Variants in NEBL observed in about 807,000 individuals in gnomAD.
The protein encoded by NEBL is LIM and SH3 protein 2.
In NEBL, 122 loss-of-function variants were observed where a neutral mutation model predicts 140.2. That is an observed-to-expected ratio of 0.87 (90% confidence interval 0.75 to 1.01). The LOEUF (loss-of-function observed/expected upper bound fraction) is 1.01, where lower values mean the gene tolerates loss of function less well. NEBL is among the 50% of genes least tolerant of loss of function. The pLI, the probability that NEBL is intolerant of heterozygous loss-of-function variation, is 0.00. For synonymous variants in NEBL, 436 were observed against 398.9 expected (o/e 1.09, Z -1.11); for missense variants, 1,365 against 1,231.3 (o/e 1.11, Z -1.62).
At chr10:20,913,882 G>T (rs149952543) in intron 4 of NEBL, among the ~76,000 whole-genome samples, 1 of 152,130 alleles carries the variant, frequency 6.6e-6, no homozygotes, top group African/African-American at 2.4e-5. Context: ...AAAAACTGGA[G>T]TTTTCTTTTT....
intron 3 of NEBL, among the ~76,000 whole-genome samples, chr10:21,019,622 T>C (rs1009209681): frequency 6.6e-6 from 1 of 152,208 alleles, no homozygotes; most frequent in African/African-American, 2.4e-5. Flanking sequence ...GAGCCAATTG[T>C]GGTGTTCTCA....
intron 2 of NEBL, among the ~76,000 whole-genome samples, chr10:21,171,064 G>A (rs895003684): frequency 1.3e-5 from 2 of 152,132 alleles, no homozygotes; most frequent in African/African-American, 2.4e-5. Flanking sequence ...GGCCAGGTGC[G>A]GTGGCTCACG....
intron 4 of NEBL, among the ~76,000 whole-genome samples, chr10:20,908,864 C>T (rs1262997876): frequency 6.6e-6 from 1 of 152,018 alleles, no homozygotes; most frequent in Non-Finnish European, 1.5e-5. Context: ...ACAGTTATGC[C>T]CTGCTGCTAT....
At chr10:21,090,802 G>A (rs1383374031) in intron 2 of NEBL, among the ~76,000 whole-genome samples, 1 of 152,012 alleles carries the variant, frequency 6.6e-6, no homozygotes, top group South Asian at 2.1e-4. Context: ...GCTGGCCCCT[G>A]CTGTTCACTT....
chr10:20,822,341 TTATC>T (rs939520999), intron 19 of NEBL, among the ~76,000 whole-genome samples: 2 of 151,904 alleles, frequency 1.3e-5, no homozygotes, highest in South Asian at 4.1e-4. Context: ...TATATATATG[TTATC>T]TATCTATCTA....
At chr10:21,259,367 C>T (rs962601370) in intron 1 of NEBL, among the ~76,000 whole-genome samples, 12 of 152,028 alleles carry the variant, frequency 7.9e-5, no homozygotes, top group Non-Finnish European at 1.3e-4. Context: ...AGGAAGAGAG[C>T]GAATGGATAC....
intron 2 of NEBL, among the ~76,000 whole-genome samples, chr10:21,165,403 G>C (rs1365237404): frequency 1.3e-5 from 2 of 152,164 alleles, no homozygotes; most frequent in African/African-American, 4.8e-5. Flanking sequence ...CTAGTCACCA[G>C]TCCCCACAGA....
At chr10:21,268,954 AGC>A (rs200891572) in intron 1 of NEBL, among the ~76,000 whole-genome samples, 3,747 of 152,298 alleles carry the variant, frequency 0.025, 51 homozygotes, top group Middle Eastern at 0.058. Context: ...TAATCCCTAG[AGC>A]ATAAGTACCT....
chr10:20,882,496 C>T (rs967799401), intron 4 of NEBL, among the ~76,000 whole-genome samples: 12 of 152,156 alleles, frequency 7.9e-5, no homozygotes, highest in Admixed American at 7.2e-4. Flanking sequence ...GCTCCTTGGG[C>T]GCATGTCTGT....
chr10:21,207,988 C>T (rs997043994), intron 3 of NEBL, among the ~76,000 whole-genome samples: 1 of 152,150 alleles, frequency 6.6e-6, no homozygotes, highest in Non-Finnish European at 1.5e-5. Flanking sequence ...CATATGTCCA[C>T]TGCACAGTAA....
intron 13 of NEBL, among the ~76,000 whole-genome samples, chr10:20,838,654 A>T (rs570625840): frequency 3.3e-4 from 50 of 152,270 alleles, no homozygotes; most frequent in Middle Eastern, 3.4e-3. Flanking sequence ...CTACAGAGAA[A>T]TCTTTCATGA....
At chr10:21,032,917 G>A (rs534257329) in intron 2 of NEBL, among the ~76,000 whole-genome samples, 12 of 152,154 alleles carry the variant, frequency 7.9e-5, no homozygotes, top group Admixed American at 3.3e-4. Flanking sequence ...GGGATTATAC[G>A]GTAAACCTGA....
rs117450293 is a variant in NEBL at position 21,110,498 on chromosome 10, G to A, written c.164+61885C>T. Among the ~76,000 whole-genome samples the A allele has an allele frequency of 4.7e-3, 711 of 152,058 alleles. 6 individuals carry two copies. Among genetic ancestry groups the A allele is most frequent in the Admixed American group, 0.015 (234 of 15,274 alleles). ...TACAATCTGTAGTAATGTCATTTCT[G>A]TCATCCCTGGTATTGGTTCTTTGTT... On this transcript the variant is annotated intron_variant, in intron 2 of 6. Coordinates refer to the NEBL transcript ENST00000417816.
At chr10:21,060,425 C>T (rs1277267938) in intron 2 of NEBL, among the ~76,000 whole-genome samples, 1 of 152,168 alleles carries the variant, frequency 6.6e-6, no homozygotes, top group African/African-American at 2.4e-5. Flanking sequence ...CAAACTTGAG[C>T]GTGTATCAGA....
intron 11 of NEBL, 121 bp downstream of exon 11, chr10:20,850,274 G>C: frequency 2.5e-6 from 2 of 795,802 alleles, no homozygotes; most frequent in Non-Finnish European, 4.3e-6. Context: ...CTAGAAAGCA[G>C]GTCCTTGAAT....
chr10:20,796,578 C>T lies in NEBL; in HGVS notation c.2762-9270G>A, dbSNP rs1052990125. Among the ~76,000 whole-genome samples the T allele has an allele frequency of 6.6e-5, 10 of 152,038 alleles. No individual in the cohort carries two copies. The East Asian group carries it at 1.9e-3, about 29-fold the overall frequency. On this transcript the variant is annotated intron_variant, in intron 26 of 27. Coordinates refer to ENST00000377122, the MANE Select transcript of NEBL (RefSeq NM_006393.3). Reference sequence around the variant, plus strand: ...TAGAAAAAATTAGTCTGCAAATGTTCTGACAGAACTGAGCTAAACCATAAT... The same window carrying T: ...TAGAAAAAATTAGTCTGCAAATGTTTTGACAGAACTGAGCTAAACCATAAT...
At chr10:21,205,072 T>C (rs1371263244) in intron 3 of NEBL, among the ~76,000 whole-genome samples, 1 of 152,236 alleles carries the variant, frequency 6.6e-6, no homozygotes, top group Non-Finnish European at 1.5e-5. Flanking sequence ...ATGCTCACTG[T>C]GCACTCCAAG....
chr10:21,056,943 T>A (rs1835050319), intron 2 of NEBL, among the ~76,000 whole-genome samples: 1 of 152,162 alleles, frequency 6.6e-6, no homozygotes. Context: ...AGTGCTCATT[T>A]TATGATTCTT....
intron 1 of NEBL, among the ~76,000 whole-genome samples, chr10:21,261,600 C>T (rs1023761503): frequency 6.6e-6 from 1 of 151,448 alleles, no homozygotes; most frequent in African/African-American, 2.4e-5. Flanking sequence ...TGAGCCATGA[C>T]CACACCATTG....
Sources: allele counts gnomAD v4.1 joint callset (sites outside exome capture counted in the v4.1 genomes callset), GRCh38; gene constraint gnomAD v4.1.1; transcripts MANE v1.5; gene names NCBI Gene and HGNC (gene_info 2026-07-23, HGNC 2026-07-21).